Variants in ROBO1 observed in about 807,000 individuals in gnomAD.
ROBO1 encodes the protein roundabout homolog 1.
ROBO1 carries 149 observed loss-of-function variants against 195.9 expected under a neutral mutation model. The observed-to-expected ratio is 0.76, with a 90% CI of 0.67 to 0.87. The LOEUF (loss-of-function observed/expected upper bound fraction) is 0.87. Ranked by LOEUF, ROBO1 falls within the 40% of genes least tolerant of loss-of-function variation. The pLI is 0.00. For missense variants in ROBO1, 1,933 were observed against 2,068.3 expected (o/e 0.93, Z 1.27); for synonymous variants, 816 against 733.2 (o/e 1.11, Z -1.82).
intron 1 of ROBO1, among the ~76,000 whole-genome samples, chr3:79,729,861 G>A (rs1415867743): frequency 1.3e-5 from 2 of 152,154 alleles, no homozygotes; most frequent in Non-Finnish European, 2.9e-5. Flanking sequence ...TGCTGCATAT[G>A]TAGATTTAAT....
chr3:78,845,985 T>C (rs1426820874), intron 4 of ROBO1, among the ~76,000 whole-genome samples: 4 of 152,132 alleles, frequency 2.6e-5, no homozygotes, highest in Admixed American at 2.6e-4. Flanking sequence ...TCTGAAACAT[T>C]GAAACCTGGT....
At chr3:78,961,170 T>C (rs1231062942) in intron 3 of ROBO1, among the ~76,000 whole-genome samples, 1 of 152,160 alleles carries the variant, frequency 6.6e-6, no homozygotes, top group Non-Finnish European at 1.5e-5. Flanking sequence ...CTTAAAGATA[T>C]TTATCCCTCT....
At chr3:79,591,235 A>G (rs1943991395) in intron 1 of ROBO1, among the ~76,000 whole-genome samples, 1 of 151,866 alleles carries the variant, frequency 6.6e-6, no homozygotes, top group African/African-American at 2.4e-5. Flanking sequence ...TGTGACACTC[A>G]GAATAACAAA....
At chr3:79,126,123 A>T (rs1026350341) in intron 2 of ROBO1, among the ~76,000 whole-genome samples, 2 of 152,198 alleles carry the variant, frequency 1.3e-5, no homozygotes, top group African/African-American at 4.8e-5. Context: ...GTCTTTCAGA[A>T]GGCAACAATC....
chr3:79,599,525 G>T (rs1037389543), intron 1 of ROBO1, among the ~76,000 whole-genome samples: 2 of 151,956 alleles, frequency 1.3e-5, no homozygotes, highest in Non-Finnish European at 2.9e-5. Context: ...AGGGCATGAT[G>T]AAGATAAACA....
chr3:78,676,788 T>A (rs9883582), intron 10 of ROBO1, among the ~76,000 whole-genome samples: 43,117 of 151,996 alleles, frequency 0.28, 6,504 homozygotes, highest in African/African-American at 0.38. Context: ...CAATCTGGCA[T>A]GGCAGGCCAA....
In ROBO1 at chr3:79,193,581, CTTTTTTTTTTTTT is replaced by C. The variant is rs869203963; in HGVS notation, c.89-68055_89-68043del. Among the ~76,000 whole-genome samples, 13 of 85,610 alleles carry C rather than the reference CTTTTTTTTTTTTT, an allele frequency of 1.5e-4. No homozygotes were observed. The South Asian group carries it at 2.8e-3, about 18-fold the overall frequency. 56.2% of individuals were successfully genotyped at this position (85,610 alleles called of 152,430 possible). A position where few individuals can be genotyped will look rare whatever the true frequency, so the allele number is the denominator to read the frequency against. The stretch of plus-strand genomic sequence containing the variant: ...ATTTTACGCCAAGGATGTGGTTTTG[CTTTTTTTTTTTTT>C]TTTTTTTTTTGTATCAGAAAAGTAG... On this transcript the variant is annotated intron_variant, in intron 2 of 30. Coordinates refer to ENST00000464233, the MANE Select transcript of ROBO1 (RefSeq NM_002941.4).
intron 4 of ROBO1, among the ~76,000 whole-genome samples, chr3:78,751,372 A>T (rs1386431): frequency 0.18 from 26,828 of 152,084 alleles, 3,105 homozygotes; most frequent in East Asian, 0.5. Flanking sequence ...TTGAACATTT[A>T]CTGTGTAAGG....
chr3:79,669,007 A>T (rs150543892), intron 1 of ROBO1, among the ~76,000 whole-genome samples: 1 of 152,044 alleles, frequency 6.6e-6, no homozygotes, highest in African/African-American at 2.4e-5. Context: ...AAAACTTTCT[A>T]TCACATAGTG....
At chr3:79,550,554 T>A (rs1942473987) in intron 2 of ROBO1, among the ~76,000 whole-genome samples, 1 of 152,208 alleles carries the variant, frequency 6.6e-6, no homozygotes, top group African/African-American at 2.4e-5. Flanking sequence ...TGAACAGATT[T>A]AATTCTTTTG....
At chr3:79,044,417 A>G (rs937373293) in intron 3 of ROBO1, among the ~76,000 whole-genome samples, 8 of 152,302 alleles carry the variant, frequency 5.3e-5, no homozygotes, top group Middle Eastern at 3.4e-3. Context: ...TTAATAGCCA[A>G]TGATAAAGTA....
chr3:79,202,658 G>C (rs558611357), intron 2 of ROBO1, among the ~76,000 whole-genome samples: 1 of 150,588 alleles, frequency 6.6e-6, no homozygotes, highest in Non-Finnish European at 1.5e-5. Context: ...ATACATCCAA[G>C]CTACAGGTAC....
chr3:79,573,269 C>T (rs1943341720), intron 2 of ROBO1, among the ~76,000 whole-genome samples: 1 of 152,094 alleles, frequency 6.6e-6, no homozygotes, highest in Non-Finnish European at 1.5e-5. Flanking sequence ...GCTGGCTGGT[C>T]TGGAACTCCT....
At chr3:78,663,205 G>A (rs1286711296) in intron 14 of ROBO1, among the ~76,000 whole-genome samples, 6 of 151,484 alleles carry the variant, frequency 4.0e-5, no homozygotes, top group South Asian at 2.1e-4. Context: ...TAAGTATCTC[G>A]GATGAAGTCC....
rs147032088 is a variant in ROBO1, at chr3:79,413,226, G to A, written c.88+176598C>T. On this transcript the variant is annotated intron_variant, in intron 2 of 30. Transcript: ENST00000464233. ...AAATATATTTAAAAAACATGTAACTGATAATGGGCTATTTACTGTTAGCTC... is the reference window on the plus strand; with the variant it reads ...AAATATATTTAAAAAACATGTAACTAATAATGGGCTATTTACTGTTAGCTC... 6.9e-3 allele frequency among the ~76,000 whole-genome samples: 1,046 copies of A among 152,130 alleles called. 4 individuals carry two copies. The highest frequency in any genetic ancestry group is 0.024 in the Middle Eastern group (7 of 294).
At chr3:78,718,820 GAGGGAGAGAGGGAGA>G (rs1559783481) in intron 5 of ROBO1, among the ~76,000 whole-genome samples, 4 of 130,756 alleles carry the variant, frequency 3.1e-5, no homozygotes, top group Admixed American at 7.9e-5. Context: ...GGGAGGGAGA[GAGGGAGAGAGGGAGA>G]GAGGGAGGGA....
chr3:78,863,007 T>G (rs1003595298), intron 4 of ROBO1, among the ~76,000 whole-genome samples: 5 of 152,200 alleles, frequency 3.3e-5, no homozygotes, highest in Non-Finnish European at 5.9e-5. Context: ...TAAGATCCAG[T>G]TTTCAGAAGA....
At chr3:79,760,315 T>C (rs1270432282) in intron 1 of ROBO1, among the ~76,000 whole-genome samples, 1 of 140,160 alleles carries the variant, frequency 7.1e-6, no homozygotes, top group African/African-American at 2.6e-5. Context: ...AAGTATTTTA[T>C]GACTTCACCA....
intron 4 of ROBO1, among the ~76,000 whole-genome samples, chr3:78,783,020 G>A (rs1007707247): frequency 4.6e-5 from 7 of 152,146 alleles, no homozygotes; most frequent in Non-Finnish European, 7.4e-5. Context: ...ACATGAATTC[G>A]TGACTAAAGA....
Sources: allele counts gnomAD v4.1 joint callset (sites outside exome capture counted in the v4.1 genomes callset), GRCh38; gene constraint gnomAD v4.1.1; transcripts MANE v1.5; gene names NCBI Gene and HGNC (gene_info 2026-07-23, HGNC 2026-07-21).